The following ACTN4 variants were observed in gnomAD, a reference collection of about 807,000 sequenced individuals.
ACTN4 encodes the protein actinin alpha 4.
A neutral mutation model predicts 114.2 loss-of-function variants in ACTN4; 18 were observed. The ratio of observed to expected loss-of-function variants is 0.16; its 90% CI spans 0.11 to 0.23. The LOEUF (loss-of-function observed/expected upper bound fraction) is 0.23. ACTN4 is among the 10% of genes least tolerant of loss of function. The pLI is 1.00. For missense variants in ACTN4, 722 were observed against 1,262.9 expected, an observed-to-expected ratio of 0.57 and a Z score of 6.49; for synonymous variants, 515 against 506.3, an observed-to-expected ratio of 1.02 and a Z score of -0.23.
chr19:38,671,111 C>T (rs1346881060), intron 1 of ACTN4, among the ~76,000 whole-genome samples: 1 of 151,928 alleles, frequency 6.6e-6, no homozygotes, highest in East Asian at 1.9e-4. Flanking sequence ...TGTACTTTGC[C>T]CCTTAGTGAC....
At chr19:38,663,163 A>C (rs1976940183) in intron 1 of ACTN4, among the ~76,000 whole-genome samples, 2 of 152,092 alleles carry the variant, frequency 1.3e-5, no homozygotes, top group South Asian at 4.1e-4. Flanking sequence ...CACCCGCCTC[A>C]GCCTCCCAAA....
At chr19:38,668,503 T>C (rs1463768183) in intron 1 of ACTN4, among the ~76,000 whole-genome samples, 1 of 152,084 alleles carries the variant, frequency 6.6e-6, no homozygotes, top group Non-Finnish European at 1.5e-5. Flanking sequence ...CTGGCCAACA[T>C]GGTGATACCC....
chr19:38,692,173 C>T (rs1224381433), intron 1 of ACTN4, among the ~76,000 whole-genome samples: 1 of 152,254 alleles, frequency 6.6e-6, no homozygotes, highest in Admixed American at 6.5e-5. Context: ...ACATAAGACG[C>T]ATTCCATATT....
intron 1 of ACTN4, among the ~76,000 whole-genome samples, chr19:38,657,231 C>T (rs1019476137): frequency 3.3e-5 from 5 of 152,110 alleles, no homozygotes; most frequent in Non-Finnish European, 7.3e-5. Flanking sequence ...CAACCTCTGC[C>T]TCCCCGGTTC....
Position 38,726,209 on chromosome 19 carries a change from G to A in ACTN4, c.2190+306G>A, listed in dbSNP as rs139207522. 9.6e-3 allele frequency among the ~76,000 whole-genome samples: 1,453 copies of A among 151,146 alleles called. 7 individuals are homozygous for A. The highest frequency in any genetic ancestry group is 0.014 in the Non-Finnish European group (955 of 67,860). ...AGGTTGAGGTGGGCAGATTGCTTGAGCCAGGGAGGCAGAGGTTGAGGTGAG... is the reference window on the plus strand; with the variant it reads ...AGGTTGAGGTGGGCAGATTGCTTGAACCAGGGAGGCAGAGGTTGAGGTGAG... On this transcript the variant is annotated intron_variant, in intron 17 of 20. Coordinates refer to ENST00000252699, the MANE Select transcript of ACTN4 (RefSeq NM_004924.6).
At chr19:38,648,225 C>G (rs1976447294) in intron 1 of ACTN4, 1 of 252,420 alleles carries the variant, frequency 4.0e-6, no homozygotes, top group Admixed American at 5.6e-5. Flanking sequence ...ACTGGGCAGG[C>G]TGAAATGGAA....
chr19:38,685,034 C>T (rs192785017), intron 1 of ACTN4, among the ~76,000 whole-genome samples: 1 of 152,292 alleles, frequency 6.6e-6, no homozygotes, highest in Non-Finnish European at 1.5e-5. Flanking sequence ...CAACCTCTGC[C>T]TCCTGGGTTC....
Position 38,729,817 on chromosome 19 carries a change from C to G in ACTN4, c.*385C>G. The G allele has an allele frequency of 2.4e-6, 1 of 412,470 alleles. No individual in the cohort carries two copies. The highest frequency in any genetic ancestry group is 4.8e-6 in the Non-Finnish European group (1 of 209,610). 25.6% of individuals were successfully genotyped at this position (412,470 alleles called of 1,614,324 possible). ...CCTTCAAGGCCTCCCCAATCCAGGCCAAAGCCCCATGTGCCTTGTCCAGGA... is the reference window on the plus strand; with the variant it reads ...CCTTCAAGGCCTCCCCAATCCAGGCGAAAGCCCCATGTGCCTTGTCCAGGA... On this transcript the variant is annotated 3_prime_UTR_variant, in exon 21 of 21. Coordinates refer to ENST00000252699, the MANE Select transcript of ACTN4 (RefSeq NM_004924.6).
intron 1 of ACTN4, 81 bp downstream of exon 1, chr19:38,647,988 C>G: frequency 7.3e-7 from 1 of 1,370,854 alleles, no homozygotes; most frequent in Non-Finnish European, 9.4e-7. Context: ...TGAAAGGTAA[C>G]TGGAGCGTCT....
intron 1 of ACTN4, among the ~76,000 whole-genome samples, chr19:38,700,128 C>T (rs932033163): frequency 6.6e-6 from 1 of 152,126 alleles, no homozygotes. Context: ...GAAGGGCTGG[C>T]CTTCATCAAG....
chr19:38,659,606 GAGA>G, intron 1 of ACTN4, among the ~76,000 whole-genome samples: 1 of 152,306 alleles, frequency 6.6e-6, no homozygotes, highest in Admixed American at 6.5e-5. Flanking sequence ...CCTTAGAGTT[GAGA>G]AAGTTTTGGG....
chr19:38,681,590 A>G (rs1415892333), intron 1 of ACTN4, among the ~76,000 whole-genome samples: 1 of 152,016 alleles, frequency 6.6e-6, no homozygotes, highest in Non-Finnish European at 1.5e-5. Flanking sequence ...ACTGATCGCA[A>G]TCGCGCTCTC....
At chr19:38,667,758 A>G (rs1477639921) in intron 1 of ACTN4, among the ~76,000 whole-genome samples, 2 of 151,452 alleles carry the variant, frequency 1.3e-5, no homozygotes, top group South Asian at 2.1e-4. Flanking sequence ...GTGACTTGGC[A>G]TCTCTGAGTC....
intron 1 of ACTN4, among the ~76,000 whole-genome samples, chr19:38,680,823 G>A (rs190998329): frequency 6.6e-6 from 1 of 152,042 alleles, no homozygotes; most frequent in Admixed American, 6.6e-5. Context: ...ATATAGTGAG[G>A]GTTTAAAAGT....
chr19:38,719,207 C>T, intron 11 of ACTN4, among the ~76,000 whole-genome samples: 1 of 152,210 alleles, frequency 6.6e-6, no homozygotes, highest in Admixed American at 6.5e-5. Context: ...CTGCCAGTGC[C>T]TGGGAGAGCC....
At chr19:38,728,305 C>T (rs1474544970) in intron 19 of ACTN4, 2 of 1,519,966 alleles carry the variant, frequency 1.3e-6, no homozygotes, top group African/African-American at 1.4e-5. Flanking sequence ...ATGCCTGCGT[C>T]CTCGGAGCAG....
In ACTN4 at chr19:38,717,425, T is replaced by C. The variant is rs1236834771; in HGVS notation, c.1143+109T>C. ...TCTTTCCTAAGTTGTTGATGTCCTG[T>C]GGGACATGGCATGGCCTTTCGGATG... is the stretch of plus-strand genomic sequence containing the variant. On this transcript the variant is annotated intron_variant, in intron 10 of 20. Transcript: ENST00000252699. The surrounding 1 kb of genome is among the most constrained non-coding windows in gnomAD (Gnocchi z 4.0). The C allele has an allele frequency of 8.5e-6, 12 of 1,407,118 alleles. No individual in the cohort carries two copies. Among genetic ancestry groups the C allele is most frequent in the African/African-American group, 1.4e-5 (1 of 70,198 alleles). 87.2% of individuals were successfully genotyped at this position (1,407,118 alleles called of 1,614,324 possible).
At chr19:38,697,596 G>A (rs62119101) in intron 1 of ACTN4, among the ~76,000 whole-genome samples, 1 of 152,318 alleles carries the variant, frequency 6.6e-6, no homozygotes, top group African/African-American at 2.4e-5. Flanking sequence ...ACCCAGGTCT[G>A]TGCCCCTGCA....
chr19:38,711,410 C>A, intron 8 of ACTN4: 1 of 913,808 alleles, frequency 1.1e-6, no homozygotes, highest in Non-Finnish European at 1.3e-6. Flanking sequence ...GACCTGCCTT[C>A]ACCACCGCCC....
Sources: gnomAD v4.1 joint callset for allele counts (sites outside exome capture counted in the v4.1 genomes callset) on GRCh38, gnomAD v4.1.1 for gene constraint, Gnocchi (gnomAD v3.1) non-coding constraint, MANE v1.5 for transcripts, NCBI Gene and HGNC (gene_info 2026-07-23, HGNC 2026-07-21) for gene names.